The following FOXP2 variants were observed in gnomAD, a reference collection of about 807,000 sequenced individuals.
The protein encoded by FOXP2 is forkhead box P2.
Under a neutral mutation model 115.8 loss-of-function variants are expected in FOXP2, and 12 were observed. The ratio of observed to expected loss-of-function variants is 0.10; its 90% CI spans 0.07 to 0.17. The LOEUF is 0.17. FOXP2 is among the 10% of genes least tolerant of loss of function. The pLI, the probability that FOXP2 is intolerant of heterozygous loss-of-function variation, is 1.00. For missense variants in FOXP2, 629 were observed against 843.5 expected (o/e 0.75, Z 3.15); for synonymous variants, 328 against 297.7 (o/e 1.10, Z -1.05).
intron 2 of FOXP2, among the ~76,000 whole-genome samples, chr7:114,480,855 G>T (rs1417926870): frequency 6.6e-6 from 1 of 150,952 alleles, no homozygotes; most frequent in Non-Finnish European, 1.5e-5. Flanking sequence ...CTAAAGAGTT[G>T]ACAGTGATCA....
chr7:114,654,518 T>C (rs1246401137), intron 10 of FOXP2, among the ~76,000 whole-genome samples: 1 of 152,180 alleles, frequency 6.6e-6, no homozygotes, highest in Non-Finnish European at 1.5e-5. Context: ...ATTTCACATA[T>C]TGATATGTTT....
chr7:114,670,278 G>T lies in FOXP2; in HGVS notation c.2003+5842G>T, dbSNP rs942913948. ...TATAATATAAGAAAATTAATTTATT[G>T]TGTCCTTAGAAGGCAAACCCTTAGG... On this transcript the variant is annotated intron_variant, in intron 16 of 16. Transcript: ENST00000350908. Among the ~76,000 whole-genome samples, 3 of 151,944 alleles carry T rather than the reference G, an allele frequency of 2.0e-5. No homozygotes were observed. The East Asian group carries it at 5.8e-4, about 29-fold the overall frequency.
chr7:114,474,222 C>T (rs980532890), intron 2 of FOXP2, among the ~76,000 whole-genome samples: 4 of 152,070 alleles, frequency 2.6e-5, no homozygotes, highest in Admixed American at 6.6e-5. Flanking sequence ...CCAATGTCTT[C>T]GTTATTAAAT....
At chr7:114,633,194 A>G (rs532740859) in intron 6 of FOXP2, among the ~76,000 whole-genome samples, 1 of 152,160 alleles carries the variant, frequency 6.6e-6, no homozygotes, top group Non-Finnish European at 1.5e-5. Context: ...ATGTGCTAAT[A>G]GAAACACAGT....
chr7:114,423,710 A>G (rs1247093003), intron 1 of FOXP2, among the ~76,000 whole-genome samples: 1 of 151,658 alleles, frequency 6.6e-6, no homozygotes, highest in Non-Finnish European at 1.5e-5. Context: ...TTTAAAATAT[A>G]CTTAAAAGGT....
intron 2 of FOXP2, among the ~76,000 whole-genome samples, chr7:114,401,674 G>A (rs946427220): frequency 3.3e-5 from 5 of 152,102 alleles, no homozygotes; most frequent in African/African-American, 1.2e-4. Flanking sequence ...TCTCTATACT[G>A]TGCTGATCTC....
rs1791720764 is a variant in FOXP2 at position 114,360,450 on chromosome 7, C to T, written c.-10-66052C>T. Among the ~76,000 whole-genome samples the T allele has an allele frequency of 2.0e-5, 3 of 152,148 alleles. No homozygotes were observed. The South Asian group carries it at 6.2e-4, about 32-fold the overall frequency. ...TTTTGCCTTGATTTCTCCTGATAAC[C>T]ATCTTTTGACTGTGAGGAAAACCTG... On this transcript the variant is annotated intron_variant, in intron 2 of 17. Transcript: ENST00000634411.
chr7:114,288,583 G>C (rs1307054816), intron 2 of FOXP2, among the ~76,000 whole-genome samples: 1 of 151,576 alleles, frequency 6.6e-6, no homozygotes, highest in Non-Finnish European at 1.5e-5. Context: ...TAGAAAATTT[G>C]ATTTTTCTAA....
intron 1 of FOXP2, among the ~76,000 whole-genome samples, chr7:114,164,642 A>G (rs769907945): frequency 6.6e-6 from 1 of 152,108 alleles, no homozygotes; most frequent in Non-Finnish European, 1.5e-5. Context: ...GCCCGGCCCA[A>G]AACATTTTTT....
intron 2 of FOXP2, among the ~76,000 whole-genome samples, chr7:114,382,740 C>G (rs192977924): frequency 2.4e-4 from 36 of 152,216 alleles, no homozygotes; most frequent in Middle Eastern, 3.4e-3. Context: ...ATGTCTGCAG[C>G]TAACTGAGTG....
At chr7:114,380,591 G>A (rs2129191603) in intron 2 of FOXP2, among the ~76,000 whole-genome samples, 1 of 152,288 alleles carries the variant, frequency 6.6e-6, no homozygotes, top group Admixed American at 6.5e-5. Context: ...TTTCTTCATT[G>A]TCTGGAAGAA....
At chr7:114,617,554 G>A (rs1289951090) in intron 3 of FOXP2, among the ~76,000 whole-genome samples, 1 of 152,242 alleles carries the variant, frequency 6.6e-6, no homozygotes, top group East Asian at 1.9e-4. Context: ...AACACTTTGG[G>A]AGGCGGAGGC....
intron 1 of FOXP2, chr7:114,419,747 C>CACACACACACACACACA (rs71314645): frequency 6.6e-6 from 1 of 151,340 alleles, no homozygotes; most frequent in African/African-American, 2.5e-5. Context: ...CACACACACA[C>CACACACACACACACACA]CCCAGAAAGG....
chr7:114,373,921 A>G (rs1405208838), intron 2 of FOXP2, among the ~76,000 whole-genome samples: 1 of 152,186 alleles, frequency 6.6e-6, no homozygotes, highest in Non-Finnish European at 1.5e-5. Flanking sequence ...TCTGAATTTC[A>G]AAAGTATGCT....
chr7:114,124,312 G>T (rs78185174), intron 1 of FOXP2, among the ~76,000 whole-genome samples: 7,173 of 152,076 alleles, frequency 0.047, 529 homozygotes, highest in African/African-American at 0.16. Context: ...CCAATCTCCA[G>T]ATTTGAAAAG....
chr7:114,538,372 C>T (rs566593208), intron 3 of FOXP2: 17 of 1,302,526 alleles, frequency 1.3e-5, no homozygotes, highest in South Asian at 1.1e-4. Flanking sequence ...AGAGCAGAGA[C>T]GTAAATTTAA....
chr7:114,189,314 C>A (rs1793694938), intron 1 of FOXP2, among the ~76,000 whole-genome samples: 1 of 152,072 alleles, frequency 6.6e-6, no homozygotes, highest in Non-Finnish European at 1.5e-5. Context: ...TATTTCTGAT[C>A]CTGTTAGAGT....
At chr7:114,455,919 A>C (rs1584757292) in intron 2 of FOXP2, among the ~76,000 whole-genome samples, 2 of 152,194 alleles carry the variant, frequency 1.3e-5, no homozygotes, top group Non-Finnish European at 2.9e-5. Flanking sequence ...TTATTGATAC[A>C]GGCAATGTAT....
At chr7:114,290,927 G>A (rs1193436708) in intron 2 of FOXP2, among the ~76,000 whole-genome samples, 3 of 152,084 alleles carry the variant, frequency 2.0e-5, no homozygotes, top group Non-Finnish European at 4.4e-5. Flanking sequence ...TAAAAAGTCA[G>A]TATTATTTTA....
Sources: gnomAD v4.1 joint callset for allele counts (sites outside exome capture counted in the v4.1 genomes callset) on GRCh38, gnomAD v4.1.1 for gene constraint, MANE v1.5 for transcripts, NCBI Gene and HGNC (gene_info 2026-07-23, HGNC 2026-07-21) for gene names.